The following SPTA1 variants were observed in gnomAD, a reference collection of about 807,000 sequenced individuals.
SPTA1 encodes spectrin alpha, erythrocytic 1, also known as spectrin alpha chain, erythrocytic 1.
In SPTA1, 177 loss-of-function variants were observed where a neutral mutation model predicts 324.7. The ratio of observed to expected loss-of-function variants is 0.55; its 90% CI spans 0.48 to 0.62. SPTA1 has a LOEUF of 0.62. SPTA1 is among the 20% of genes least tolerant of loss of function. The pLI, the probability that SPTA1 is intolerant of heterozygous loss-of-function variation, is 0.00. For missense variants in SPTA1, 3,162 were observed against 2,883.6 expected (o/e 1.10, Z -2.21); for synonymous variants, 1,195 against 1,041.3 (o/e 1.15, Z -2.84).
At position 158,652,589 on chromosome 1, in the gene SPTA1, A is replaced by G; in HGVS notation, c.3253T>C (p.Phe1085Leu). Residue 1085 changes from phenylalanine (F) to leucine (L), a missense_variant, in exon 23 of 52, where the codon TTT (phenylalanine) becomes CTT (leucine). By Grantham distance (22) the Phe-to-Leu change is conservative (BLOSUM62 0). Transcript: ENST00000643759. The stretch of plus-strand genomic sequence containing the variant: ...TCTCCTGCCTCATAGGCCAATAAAA[A>G]TTCATTATAACGTTGCAATAGACGA... ...RRRLLQRYNE[F>L]LLAYEAGDML... 1 of 1,614,132 alleles carries G rather than the reference A, an allele frequency of 6.2e-7. No homozygotes were observed.
At chr1:158,637,485 G>C (rs776194402) in intron 36 of SPTA1, among the ~76,000 whole-genome samples, 3 of 152,176 alleles carry the variant, frequency 2.0e-5, no homozygotes, top group Non-Finnish European at 2.9e-5. Context: ...AATGGAATGA[G>C]TAATGAAACC....
intron 20 of SPTA1, among the ~76,000 whole-genome samples, chr1:158,656,303 G>T (rs1483667854): frequency 6.6e-6 from 1 of 152,096 alleles, no homozygotes; most frequent in African/African-American, 2.4e-5. Context: ...AAGAAGGGTA[G>T]AAATATAAAA....
intron 3 of SPTA1, 138 bp downstream of exon 3, chr1:158,683,233 C>G (rs961556751): frequency 8.2e-7 from 1 of 1,221,204 alleles, no homozygotes; most frequent in South Asian, 1.3e-5. Flanking sequence ...ATTTTTTATG[C>G]CTCAACCCCA....
chr1:158,652,422 A>C (rs371151274), intron 23 of SPTA1, 45 bp downstream of exon 23: 2 of 1,604,386 alleles, frequency 1.2e-6, no homozygotes. Flanking sequence ...CTGAGGGATA[A>C]AAGCAAACAA....
intron 17 of SPTA1, 104 bp from the exon 18 acceptor site, chr1:158,661,513 G>A (rs983613582): frequency 5.5e-6 from 8 of 1,460,580 alleles, no homozygotes; most frequent in Non-Finnish European, 6.6e-6. Flanking sequence ...TTCCTTTGAA[G>A]TTCTAACCAT....
Position 158,668,003 on chromosome 1 carries a change from T to C in SPTA1, c.1893A>G (p.Ala631=), listed in dbSNP as rs1451261448. 1.2e-5 allele frequency: 19 copies of C among 1,613,208 alleles called. No homozygotes were observed. The highest frequency in any genetic ancestry group is 1.5e-5 in the Non-Finnish European group (18 of 1,179,916). ...QKQQVFEKEL[A]VNKTQLENIQ... is the part of the protein sequence containing the mutation. ...TGTTTTCCAGCTGGGTCTTATTAACTGCCAACTCCTTTTCAAAGACTTGCT... is the reference window on the plus strand; with the variant it reads ...TGTTTTCCAGCTGGGTCTTATTAACCGCCAACTCCTTTTCAAAGACTTGCT... Residue 631 remains alanine, a synonymous_variant, in exon 15 of 52, where the codon GCA becomes GCG. Coordinates refer to ENST00000643759, the MANE Select transcript of SPTA1 (RefSeq NM_003126.4).
chr1:158,665,774 T>C (rs1300704983), intron 16 of SPTA1, among the ~76,000 whole-genome samples: 1 of 152,204 alleles, frequency 6.6e-6, no homozygotes, highest in Non-Finnish European at 1.5e-5. Context: ...TTAAAATATT[T>C]TTAAGCTTTG....
intron 7 of SPTA1, among the ~76,000 whole-genome samples, 169 bp downstream of exon 7, chr1:158,677,521 C>G (rs868238289): frequency 3.9e-5 from 6 of 152,264 alleles, no homozygotes; most frequent in Admixed American, 1.3e-4. Flanking sequence ...CCAGTATCCA[C>G]ATACGAGTTA....
intron 10 of SPTA1, 120 bp from the exon 11 acceptor site, chr1:158,672,316 T>TAAAAGTTGGAATC: frequency 9.3e-7 from 1 of 1,074,786 alleles, no homozygotes; most frequent in Non-Finnish European, 1.3e-6. Context: ...CAAATGGGCT[T>TAAAAGTTGGAATC]TTAAGATTCC....
chr1:158,651,569 A>G, intron 23 of SPTA1, 101 bp from the exon 24 acceptor site: 1 of 809,874 alleles, frequency 1.2e-6, no homozygotes, highest in South Asian at 1.3e-5. Flanking sequence ...CTCTGCCCCT[A>G]CATCACCGTA....
At chr1:158,660,534 T>C (rs987694233) in intron 18 of SPTA1, among the ~76,000 whole-genome samples, 1 of 152,100 alleles carries the variant, frequency 6.6e-6, no homozygotes, top group Non-Finnish European at 1.5e-5. Flanking sequence ...CAAAAACTGA[T>C]AGAACTGAAA....
At chr1:158,660,613 G>A (rs769013567) in intron 18 of SPTA1, among the ~76,000 whole-genome samples, 1 of 152,170 alleles carries the variant, frequency 6.6e-6, no homozygotes, top group African/African-American at 2.4e-5. Context: ...ACAGTTGTTG[G>A]TTTGAATCAC....
intron 43 of SPTA1, chr1:158,620,729 T>C (rs1249322735): frequency 5.2e-6 from 2 of 385,630 alleles, no homozygotes; most frequent in Non-Finnish European, 9.3e-6. Context: ...TCGAATTATT[T>C]CTAAAATTAT....
rs919726412 is a variant in SPTA1 at position 158,642,939 on chromosome 1, T to C, written c.4480A>G (p.Thr1494Ala). 7 of 1,613,660 alleles carry C rather than the reference T, an allele frequency of 4.3e-6. No homozygotes were observed. The Admixed American group carries it at 8.3e-5, about 19-fold the overall frequency. ...AGGTTGGCATAGTCTCCAAGCTTTG[T>C]CCGCTCATCAATCAGTTGTGCTTTG... ...ALKAQLIDERTKLGDYANLKQ... is the reference protein window; with the variant it reads ...ALKAQLIDERAKLGDYANLKQ... The change falls in exon 32 of 52, where the codon ACA becomes GCA. Residue 1494 changes from threonine (T) to alanine (A), a missense_variant. Transcript: ENST00000643759.
rs958711827 is a variant in SPTA1, at chr1:158,644,248, A to T, written c.4338+5T>A. On this transcript the variant is annotated splice_donor_5th_base_variant and intron_variant, in intron 30 of 51. Transcript: ENST00000643759. The stretch of plus-strand genomic sequence containing the variant: ...TATTTTAATTCCTTTACTAGTCATT[A>T]TTACCTGGGCAGTGATTGCTTTGTC... 5.6e-6 allele frequency: 9 copies of T among 1,613,534 alleles called. No individual in the cohort carries two copies. Among genetic ancestry groups the T allele is most frequent in the Admixed American group, 1.7e-5 (1 of 59,924 alleles).
intron 39 of SPTA1, 39 bp from the exon 40 acceptor site, chr1:158,627,762 C>G: frequency 6.3e-7 from 1 of 1,586,654 alleles, no homozygotes; most frequent in Admixed American, 1.7e-5. Context: ...ATATCCAAAG[C>G]CGGAAAATCT....
intron 24 of SPTA1, among the ~76,000 whole-genome samples, chr1:158,650,909 C>T (rs997480868): frequency 6.6e-6 from 1 of 152,126 alleles, no homozygotes; most frequent in African/African-American, 2.4e-5. Flanking sequence ...TATTTGCTTT[C>T]AGATATAGAA....
At chr1:158,627,896 C>T (rs1056807408) in intron 39 of SPTA1, among the ~76,000 whole-genome samples, 173 bp from the exon 40 acceptor site, 1 of 152,162 alleles carries the variant, frequency 6.6e-6, no homozygotes, top group African/African-American at 2.4e-5. Context: ...CTCAAATTCT[C>T]ACTTGTCACT....
At chr1:158,677,631 T>A in intron 7 of SPTA1, 59 bp downstream of exon 7, 1 of 1,601,180 alleles carries the variant, frequency 6.2e-7, no homozygotes, top group Non-Finnish European at 8.5e-7. Flanking sequence ...ATAGGCAAGA[T>A]AATCAACAAT....
Sources: allele counts gnomAD v4.1 joint callset (sites outside exome capture counted in the v4.1 genomes callset), GRCh38; gene constraint gnomAD v4.1.1; transcripts MANE v1.5; gene names NCBI Gene and HGNC (gene_info 2026-07-23, HGNC 2026-07-21).